CPA6: variants seen among roughly 807,000 people sequenced by gnomAD.
CPA6 encodes the protein carboxypeptidase B.
Under a neutral mutation model 63.3 loss-of-function variants are expected in CPA6, and 58 were observed. The observed-to-expected ratio is 0.92, with a 90% CI of 0.74 to 1.14. The LOEUF (loss-of-function observed/expected upper bound fraction) is 1.14, where lower values mean the gene tolerates loss of function less well. Ranked by LOEUF, CPA6 falls within the 50% of genes most tolerant of loss-of-function variation. CPA6 has a pLI of 0.00. For synonymous variants in CPA6, 185 were observed against 179.0 expected (o/e 1.03, Z -0.27); for missense variants, 565 against 526.6 (o/e 1.07, Z -0.71).
At chr8:67,505,800 C>T (rs1363973961) in intron 6 of CPA6, among the ~76,000 whole-genome samples, 3 of 152,010 alleles carry the variant, frequency 2.0e-5, no homozygotes, top group Non-Finnish European at 2.9e-5. Context: ...TTTTCTAGGA[C>T]CTAGGAGAGT....
chr8:67,657,028 C>T (rs1341556740), intron 1 of CPA6, among the ~76,000 whole-genome samples: 3 of 152,212 alleles, frequency 2.0e-5, no homozygotes, highest in Non-Finnish European at 2.9e-5. Flanking sequence ...TCCCATCTCC[C>T]TACCCTTAAT....
At chr8:67,639,295 C>T (rs1815537050) in intron 1 of CPA6, among the ~76,000 whole-genome samples, 2 of 151,630 alleles carry the variant, frequency 1.3e-5, no homozygotes, top group South Asian at 2.1e-4. Flanking sequence ...TTGCTTTGGC[C>T]TGCTGGGCTC....
rs1563391848 is a variant in CPA6, at chr8:67,684,059, T to TTTA, written c.117-59809_117-59808insTAA. 4.3e-3 allele frequency among the ~76,000 whole-genome samples: 603 copies of TTTA among 140,162 alleles called. 8 individuals are homozygous for TTTA. The highest frequency in any genetic ancestry group is 0.016 in the African/African-American group (585 of 37,102). 92.0% of individuals were successfully genotyped at this position (140,162 alleles called of 152,430 possible). On this transcript the variant is annotated intron_variant, in intron 1 of 10. Transcript: ENST00000297770. The stretch of plus-strand genomic sequence containing the variant: ...TTTTATTTTATTTATTTATTTATTT[T>TTTA]TTTTTTTTGTAGAGATGGGGTTTTG...
chr8:67,554,993 A>C (rs13265827), intron 2 of CPA6, among the ~76,000 whole-genome samples: 63,766 of 152,014 alleles, frequency 0.42, 15,710 homozygotes, highest in Non-Finnish European at 0.55. Flanking sequence ...GTTTTTTGCT[A>C]TCAGCAGAAG....
At chr8:67,711,987 T>C (rs770612576) in intron 1 of CPA6, among the ~76,000 whole-genome samples, 3 of 152,054 alleles carry the variant, frequency 2.0e-5, no homozygotes, top group African/African-American at 4.8e-5. Context: ...CAGATCCACA[T>C]AAGAAGAATT....
intron 6 of CPA6, among the ~76,000 whole-genome samples, chr8:67,502,399 G>A (rs2128963961): frequency 6.6e-6 from 1 of 152,280 alleles, no homozygotes; most frequent in African/African-American, 2.4e-5. Flanking sequence ...GGAAATCAAG[G>A]CTGCAGTGAG....
chr8:67,450,886 A>C (rs1810543499), intron 8 of CPA6, among the ~76,000 whole-genome samples: 1 of 152,162 alleles, frequency 6.6e-6, no homozygotes, highest in South Asian at 2.1e-4. Flanking sequence ...CAGAGTAGAG[A>C]ATATAGACTA....
At chr8:67,570,366 A>G (rs1269056831) in intron 2 of CPA6, among the ~76,000 whole-genome samples, 1 of 152,240 alleles carries the variant, frequency 6.6e-6, no homozygotes, top group African/African-American at 2.4e-5. Flanking sequence ...AACGCTAAAC[A>G]TATGAAAGCA....
chr8:67,501,267 C>T (rs1225546177), intron 6 of CPA6, among the ~76,000 whole-genome samples: 2 of 152,132 alleles, frequency 1.3e-5, no homozygotes, highest in East Asian at 3.9e-4. Context: ...GCATGTAAGT[C>T]CTGTACATGT....
chr8:67,524,975 A>G lies in CPA6; in HGVS notation c.193-6928T>C, dbSNP rs1301984558. Among the ~76,000 whole-genome samples, 3 of 152,116 alleles carry G rather than the reference A, an allele frequency of 2.0e-5. No individual in the cohort carries two copies. In the East Asian group the frequency reaches 5.8e-4, roughly 29 times the overall value. On this transcript the variant is annotated intron_variant, in intron 2 of 10. Transcript: ENST00000297770. ...ACTGCTTCATAGGTTACAGTACTAT[A>G]TTGTTTTCTGATGACTGTAACAGCC... is the stretch of plus-strand genomic sequence containing the variant.
At chr8:67,496,120 G>A (rs1271582142) in intron 6 of CPA6, among the ~76,000 whole-genome samples, 1 of 152,062 alleles carries the variant, frequency 6.6e-6, no homozygotes, top group Non-Finnish European at 1.5e-5. Flanking sequence ...CCCAAACCTT[G>A]TCTTTTTAAA....
intron 1 of CPA6, among the ~76,000 whole-genome samples, chr8:67,742,149 T>C (rs199906643): frequency 2.3e-4 from 27 of 117,274 alleles, no homozygotes; most frequent in African/African-American, 7.4e-4. Context: ...TGTGTGCGCG[T>C]GTGTGTGTGA....
intron 1 of CPA6, among the ~76,000 whole-genome samples, chr8:67,718,522 G>C (rs1368745255): frequency 6.6e-6 from 1 of 151,946 alleles, no homozygotes; most frequent in African/African-American, 2.4e-5. Flanking sequence ...TTTTTCATTT[G>C]GTGACTCAGA....
intron 6 of CPA6, among the ~76,000 whole-genome samples, chr8:67,499,420 T>G (rs917187136): frequency 6.6e-6 from 1 of 152,222 alleles, no homozygotes; most frequent in African/African-American, 2.4e-5. Context: ...CTATTATTTT[T>G]ATAATAAACT....
At chr8:67,526,088 C>T (rs1335627751) in intron 2 of CPA6, among the ~76,000 whole-genome samples, 5 of 152,128 alleles carry the variant, frequency 3.3e-5, no homozygotes, top group Non-Finnish European at 5.9e-5. Context: ...ACATGGGAAA[C>T]GACAGGCAAT....
intron 8 of CPA6, among the ~76,000 whole-genome samples, chr8:67,463,800 T>C (rs1196992875): frequency 6.6e-6 from 1 of 152,218 alleles, no homozygotes; most frequent in Non-Finnish European, 1.5e-5. Context: ...CTGCATTAAT[T>C]TGCTTAGGAT....
chr8:67,691,913 A>C (rs1395696288), intron 1 of CPA6, among the ~76,000 whole-genome samples: 3 of 152,242 alleles, frequency 2.0e-5, no homozygotes, highest in South Asian at 4.1e-4. Flanking sequence ...CAAACATTTA[A>C]TTCCAACCCA....
chr8:67,554,418 C>T (rs1254890466), intron 2 of CPA6, among the ~76,000 whole-genome samples: 2 of 152,176 alleles, frequency 1.3e-5, no homozygotes, highest in African/African-American at 2.4e-5. Flanking sequence ...ATGAGGGCAG[C>T]ACCAAGAGGA....
rs191462573 is a variant in CPA6, at chr8:67,557,580, A to G, written c.193-39533T>C. Among the ~76,000 whole-genome samples the G allele has an allele frequency of 3.9e-3, 587 of 152,224 alleles. 4 individuals are homozygous for G. Among genetic ancestry groups the G allele is most frequent in the Middle Eastern group, 0.01 (3 of 294 alleles). ...GAGAGATTAGCACCATCTGGCCAGC[A>G]AACCTCCCCAACCCCCTATTTTCAG... On this transcript the variant is annotated intron_variant, in intron 2 of 10. Coordinates refer to ENST00000297770, the MANE Select transcript of CPA6 (RefSeq NM_020361.5).
Sources: allele counts gnomAD v4.1 joint callset (sites outside exome capture counted in the v4.1 genomes callset), GRCh38; gene constraint gnomAD v4.1.1; transcripts MANE v1.5; gene names NCBI Gene and HGNC (gene_info 2026-07-23, HGNC 2026-07-21).